Variants in TNR observed in about 807,000 individuals in gnomAD.
The protein encoded by TNR is tenascin R, also known as tenascin-R.
In TNR, 45 loss-of-function variants were observed where a neutral mutation model predicts 150.4. That is an observed-to-expected ratio of 0.30 (90% CI 0.24 to 0.38). The LOEUF (loss-of-function observed/expected upper bound fraction) is 0.38, where lower values mean the gene tolerates loss of function less well. Among genes scored for constraint, TNR ranks in the 10% least tolerant of loss-of-function variants. TNR has a pLI of 1.00. For synonymous variants in TNR, 687 were observed against 678.4 expected (o/e 1.01, Z -0.20); for missense variants, 1,544 against 1,759.1 (o/e 0.88, Z 2.19).
At chr1:175,395,894 A>G (rs572227748) in intron 5 of TNR, among the ~76,000 whole-genome samples, 1 of 152,354 alleles carries the variant, frequency 6.6e-6, no homozygotes, top group African/African-American at 2.4e-5. Flanking sequence ...TATGTATAAA[A>G]AAAACTGTTC....
chr1:175,585,079 A>T (rs765381190), intron 1 of TNR, among the ~76,000 whole-genome samples: 2 of 152,232 alleles, frequency 1.3e-5, no homozygotes, highest in African/African-American at 2.4e-5. Flanking sequence ...GTGCAGGCAC[A>T]TTCTGAGGCC....
At chr1:175,331,075 TTC>T (rs1557868026) in intron 20 of TNR, among the ~76,000 whole-genome samples, 9 of 121,334 alleles carry the variant, frequency 7.4e-5, no homozygotes, top group East Asian at 7.0e-4. Flanking sequence ...CTTTCTTTCT[TTC>T]CTTCTTTCTT....
chr1:175,406,761 C>T lies in TNR; in HGVS notation c.-47G>A. 1.3e-6 allele frequency: 2 copies of T among 1,588,928 alleles called. No homozygotes were observed. The highest frequency in any genetic ancestry group is 2.3e-5 in the South Asian group (2 of 86,036). On this transcript the variant is annotated 5_prime_UTR_variant, in exon 3 of 23. An upstream start codon of the reference 5' UTR is lost. Coordinates refer to ENST00000367674, the MANE Select transcript of TNR (RefSeq NM_003285.3). ...TTCAGGACCAGCCTGCAGCACACAG[C>T]ATGGAGTTGTGGGAATCTGCAACGG...
At chr1:175,445,129 G>C (rs556440469) in intron 2 of TNR, among the ~76,000 whole-genome samples, 1 of 152,170 alleles carries the variant, frequency 6.6e-6, no homozygotes, top group Non-Finnish European at 1.5e-5. Context: ...AATTAGCTAG[G>C]TGTGGTGGCA....
intron 2 of TNR, among the ~76,000 whole-genome samples, chr1:175,481,225 G>A (rs2102128375): frequency 6.6e-6 from 1 of 152,306 alleles, no homozygotes; most frequent in Admixed American, 6.5e-5. Flanking sequence ...AAAAATTACT[G>A]ATTGATGAAT....
At chr1:175,418,783 G>A (rs767245785) in intron 2 of TNR, among the ~76,000 whole-genome samples, 1 of 152,062 alleles carries the variant, frequency 6.6e-6, no homozygotes, top group Non-Finnish European at 1.5e-5. Flanking sequence ...TTTGTAGAAG[G>A]GCTTGGTTCC....
chr1:175,377,435 A>T (rs1652448581), intron 9 of TNR, among the ~76,000 whole-genome samples: 2 of 148,986 alleles, frequency 1.3e-5, no homozygotes, highest in Non-Finnish European at 1.5e-5. Flanking sequence ...GCTTAGAATC[A>T]GTTCCCTCCT....
chr1:175,330,920 C>A (rs1571297442), intron 20 of TNR, among the ~76,000 whole-genome samples: 1 of 152,182 alleles, frequency 6.6e-6, no homozygotes, highest in African/African-American at 2.4e-5. Flanking sequence ...ACTTCCCAGG[C>A]CTTGGTCTAA....
chr1:175,337,382 G>T, intron 19 of TNR, 146 bp downstream of exon 19: 1 of 885,758 alleles, frequency 1.1e-6, no homozygotes. Context: ...TGGGCCTTGA[G>T]GGCAATGAGG....
chr1:175,509,098 T>C (rs1659066742), intron 2 of TNR, among the ~76,000 whole-genome samples: 1 of 152,194 alleles, frequency 6.6e-6, no homozygotes, highest in Admixed American at 6.5e-5. Flanking sequence ...TTGGAAGAAT[T>C]TTCCTGTTTC....
chr1:175,466,178 C>A (rs1192174715), intron 2 of TNR, among the ~76,000 whole-genome samples: 1 of 152,220 alleles, frequency 6.6e-6, no homozygotes, highest in Admixed American at 6.5e-5. Context: ...TTATGAGCCT[C>A]ATTTTATACA....
intron 1 of TNR, among the ~76,000 whole-genome samples, chr1:175,586,759 G>A (rs544814744): frequency 1.3e-5 from 2 of 152,326 alleles, no homozygotes; most frequent in East Asian, 3.9e-4. Context: ...AGAGCCACTG[G>A]ATATTGGTCA....
At chr1:175,447,947 A>G (rs964858852) in intron 2 of TNR, among the ~76,000 whole-genome samples, 3 of 152,238 alleles carry the variant, frequency 2.0e-5, no homozygotes, top group Non-Finnish European at 2.9e-5. Flanking sequence ...TGGCATGTAG[A>G]AAGGGCTCAA....
Position 175,406,707 on chromosome 1 carries a change from G to A in TNR, c.8C>T (p.Ala3Val), listed in dbSNP as rs1557914045. The stretch of plus-strand genomic sequence containing the variant: ...CTTCAGAACCACTGTTTCCCCATCT[G>A]CCCCCATCCTCTCAGCCAGAGATCT... MG[A>V]DGETVVLKNM... Residue 3 changes from alanine (A) to valine (V), a missense_variant, in exon 3 of 23, where the codon GCA (alanine) becomes GTA (valine). Ala to Val is a moderately conservative substitution (Grantham distance 64). Coordinates refer to ENST00000367674, the MANE Select transcript of TNR (RefSeq NM_003285.3). 1 of 1,613,630 alleles carries A rather than the reference G, an allele frequency of 6.2e-7. No individual in the cohort carries two copies. Among genetic ancestry groups the A allele is most frequent in the South Asian group, 1.1e-5 (1 of 90,998 alleles).
chr1:175,553,962 GAAC>G (rs1661052097), intron 1 of TNR, among the ~76,000 whole-genome samples: 1 of 152,098 alleles, frequency 6.6e-6, no homozygotes, highest in Non-Finnish European at 1.5e-5. Flanking sequence ...CCCACAAAAT[GAAC>G]AACTGCAGTG....
intron 18 of TNR, among the ~76,000 whole-genome samples, chr1:175,340,522 C>CT: frequency 6.6e-6 from 1 of 152,136 alleles, no homozygotes; most frequent in East Asian, 1.9e-4. Context: ...AATATTATTC[C>CT]TTTTTTTGCA....
intron 2 of TNR, among the ~76,000 whole-genome samples, chr1:175,470,528 T>C (rs1657242515): frequency 6.6e-6 from 1 of 152,144 alleles, no homozygotes; most frequent in African/African-American, 2.4e-5. Flanking sequence ...TTTTTGTGGG[T>C]ACATAGTAGG....
chr1:175,683,723 A>G (rs1009613168), intron 1 of TNR, among the ~76,000 whole-genome samples: 1 of 152,228 alleles, frequency 6.6e-6, no homozygotes, highest in Admixed American at 6.5e-5. Flanking sequence ...ATGAGGAAAG[A>G]GGGAAGAGCT....
At chr1:175,445,295 G>A (rs942466794) in intron 2 of TNR, among the ~76,000 whole-genome samples, 3 of 152,110 alleles carry the variant, frequency 2.0e-5, no homozygotes, top group African/African-American at 7.2e-5. Context: ...AAAAAAAGAA[G>A]CCTGAGACAG....
Sources: gnomAD v4.1 joint callset for allele counts (sites outside exome capture counted in the v4.1 genomes callset) on GRCh38, gnomAD v4.1.1 for gene constraint, MANE v1.5 for transcripts, NCBI Gene and HGNC (gene_info 2026-07-23, HGNC 2026-07-21) for gene names.